PLCD3: variants seen among roughly 807,000 people sequenced by gnomAD.
The protein encoded by PLCD3 is 1-phosphatidylinositol 4,5-bisphosphate phosphodiesterase delta-3.
Under a neutral mutation model 82.8 loss-of-function variants are expected in PLCD3, and 62 were observed. The ratio of observed to expected loss-of-function variants is 0.75; its 90% confidence interval spans 0.61 to 0.93. The LOEUF (loss-of-function observed/expected upper bound fraction) is 0.93. Ranked by LOEUF, PLCD3 falls within the 40% of genes least tolerant of loss-of-function variation. The pLI is 0.00. For synonymous variants in PLCD3, 478 were observed against 471.8 expected, an observed-to-expected ratio of 1.01 and a Z score of -0.17; for missense variants, 1,023 against 1,103.4, an observed-to-expected ratio of 0.93 and a Z score of 1.03.
chr17:45,116,961 T>C (rs1333027310), intron 7 of PLCD3, among the ~76,000 whole-genome samples, 177 bp from the exon 8 acceptor site: 8 of 152,124 alleles, frequency 5.3e-5, no homozygotes, highest in Non-Finnish European at 1.0e-4. Flanking sequence ...TTTTTTTTCT[T>C]TGAGATGGAG....
rs1278926461 is a variant in PLCD3 at position 45,111,360 on chromosome 17, C to CTGTGTA, written c.*1250_*1255dup. On this transcript the variant is annotated 3_prime_UTR_variant, in exon 15 of 15. Coordinates refer to ENST00000619929, the MANE Select transcript of PLCD3 (RefSeq NM_133373.5). ...TGTCTCCTCCTCATTCAAGGCCCCT[C>CTGTGTA]TGTGTATGTGTGAGTGTGTGTGTGT... 7.0e-6 allele frequency: 1 copy of CTGTGTA among 142,426 alleles called. No individual in the cohort carries two copies. Among genetic ancestry groups the CTGTGTA allele is most frequent in the African/African-American group, 2.8e-5 (1 of 35,748 alleles). 8.8% of individuals were successfully genotyped at this position (142,426 alleles called of 1,614,324 possible).
Position 45,118,512 on chromosome 17 carries a change from G to A in PLCD3, c.914-20C>T, listed in dbSNP as rs1373058706. On this transcript the variant is annotated intron_variant, in intron 5 of 14. Coordinates refer to ENST00000619929, the MANE Select transcript of PLCD3 (RefSeq NM_133373.5). The surrounding 1 kb of genome is among the most constrained non-coding windows in gnomAD (Gnocchi z 4.1). ...GCTTGGCTGCAGGGGTGGCAGGAGA[G>A]GGCATCAGGCCACATAGGGATCCCC... 1 of 1,613,142 alleles carries A rather than the reference G, an allele frequency of 6.2e-7. No homozygotes were observed. Among genetic ancestry groups the A allele is most frequent in the East Asian group, 2.2e-5 (1 of 44,894 alleles).
In PLCD3 at chr17:45,119,023, G is replaced by A. The variant is rs774319289; in HGVS notation, c.705C>T (p.Asn235=). 15 of 1,609,910 alleles carry A rather than the reference G, an allele frequency of 9.3e-6. No homozygotes were observed. Among genetic ancestry groups the A allele is most frequent in the Admixed American group, 6.7e-5 (4 of 59,632 alleles). The part of the protein sequence containing the change: ...LLFKECDHSN[N]DRLEGAEIEE... Reference sequence around the variant, plus strand: ...CGATCTCAGCCCCCTCTAGACGGTCGTTGTTGGAGTGGTCACACTCCTGGG... The same window carrying A: ...CGATCTCAGCCCCCTCTAGACGGTCATTGTTGGAGTGGTCACACTCCTGGG... Residue 235 remains asparagine (N), a synonymous_variant, in exon 5 of 15, where the codon AAC becomes AAT. Transcript: ENST00000619929.
At chr17:45,131,016 ATACC>A (rs1305979178) in intron 1 of PLCD3, among the ~76,000 whole-genome samples, 2 of 152,058 alleles carry the variant, frequency 1.3e-5, no homozygotes, top group Admixed American at 6.5e-5. Context: ...AGGGTGGAGC[ATACC>A]ATAGGCACTC....
At chr17:45,124,690 GC>G (rs1353696490) in intron 1 of PLCD3, among the ~76,000 whole-genome samples, 1 of 152,232 alleles carries the variant, frequency 6.6e-6, no homozygotes, top group Non-Finnish European at 1.5e-5. Flanking sequence ...GTCCTGCCAG[GC>G]CCAAGCCCAC....
At chr17:45,117,971 G>A in intron 7 of PLCD3, 23 bp downstream of exon 7, 1 of 1,611,874 alleles carries the variant, frequency 6.2e-7, no homozygotes, top group Non-Finnish European at 8.5e-7. Flanking sequence ...GTGGGGCTGG[G>A]GCTGGGCATC....
Position 45,119,057 on chromosome 17 carries a change from G to A in PLCD3, c.685-14C>T. 1 of 1,587,534 alleles carries A rather than the reference G, an allele frequency of 6.3e-7. No individual in the cohort carries two copies. The highest frequency in any genetic ancestry group is 1.1e-5 in the South Asian group (1 of 88,452). The stretch of plus-strand genomic sequence containing the variant: ...GTGGTCACACTCCTGGGGAGCAGCA[G>A]GAGAAGCTCAGAGGAGGCAGACACT... On this transcript the variant is annotated splice_polypyrimidine_tract_variant and intron_variant, in intron 4 of 14. Coordinates refer to ENST00000619929, the MANE Select transcript of PLCD3 (RefSeq NM_133373.5).
At chr17:45,114,821 G>A (rs1229266766) in intron 10 of PLCD3, among the ~76,000 whole-genome samples, 1 of 151,854 alleles carries the variant, frequency 6.6e-6, no homozygotes, top group Non-Finnish European at 1.5e-5. Context: ...GCAGCTGCTG[G>A]GCTCCCCCAG....
At chr17:45,114,196 C>G in intron 11 of PLCD3, 54 bp downstream of exon 11, 1 of 1,354,890 alleles carries the variant, frequency 7.4e-7, no homozygotes, top group Non-Finnish European at 1.0e-6. Flanking sequence ...ACTGCTGAGG[C>G]CTCCCCCACA....
rs1449359682 is a variant in PLCD3, at chr17:45,123,639, C to A, written c.164-2267G>T. Among the ~76,000 whole-genome samples the A allele has an allele frequency of 3.3e-5, 5 of 152,298 alleles. No homozygotes were observed. The East Asian group carries it at 7.7e-4, about 24-fold the overall frequency. On this transcript the variant is annotated intron_variant, in intron 1 of 14. Transcript: ENST00000619929. ...AATTACCCAGGGGAGGCTGCAGACA[C>A]CACAGCCCAGGGCATCTCACCCAGC...
chr17:45,128,513 G>A (rs944493476), intron 1 of PLCD3, among the ~76,000 whole-genome samples: 1 of 152,240 alleles, frequency 6.6e-6, no homozygotes, highest in Non-Finnish European at 1.5e-5. Context: ...ACCCACAGCA[G>A]TCCCACTCAC....
At position 45,113,099 on chromosome 17, in the gene PLCD3, C is replaced by T. The variant is rs769360855; in HGVS notation, c.2131+23G>A. ...CGCTCTCTGCAGTCTCCCCCAACCCCACTTCCGCCAGTGGCTGCCCACCAT... is the reference window on the plus strand; with the variant it reads ...CGCTCTCTGCAGTCTCCCCCAACCCTACTTCCGCCAGTGGCTGCCCACCAT... On this transcript the variant is annotated intron_variant, in intron 13 of 14. Transcript: ENST00000619929. 1.3e-5 allele frequency: 21 copies of T among 1,613,110 alleles called. No homozygotes were observed. The South Asian group carries it at 1.9e-4, about 14-fold the overall frequency.
chr17:45,114,504 AGAGT>A lies in PLCD3; in HGVS notation c.1712-142_1712-139del, dbSNP rs2054274043. On this transcript the variant is annotated intron_variant, in intron 10 of 14. Coordinates refer to ENST00000619929, the MANE Select transcript of PLCD3 (RefSeq NM_133373.5). Reference sequence around the variant, plus strand: ...CCCGCTCCTCACTCTCTTCTGACCTAGAGTGAGAGGGGAGCTCACTGAGGAGGCT... The same window carrying A: ...CCCGCTCCTCACTCTCTTCTGACCTAGAGAGGGGAGCTCACTGAGGAGGCT... 16 of 624,022 alleles carry A rather than the reference AGAGT, an allele frequency of 2.6e-5. No homozygotes were observed. In the South Asian group the frequency reaches 3.5e-4, roughly 14 times the overall value. The allele number at this position is 624,022 out of a possible 1,614,324, so 38.7% of individuals were successfully genotyped here. A position where few individuals can be genotyped will look rare whatever the true frequency, so the allele number is the denominator to read the frequency against.
intron 1 of PLCD3, among the ~76,000 whole-genome samples, chr17:45,123,735 CA>C (rs1421326991): frequency 1.3e-5 from 2 of 152,170 alleles, no homozygotes; most frequent in East Asian, 1.9e-4. Flanking sequence ...ATCAGGGTCT[CA>C]GGGGCAAGAG....
At chr17:45,114,050 T>C (rs2054269952) in intron 11 of PLCD3, among the ~76,000 whole-genome samples, 200 bp downstream of exon 11, 1 of 152,110 alleles carries the variant, frequency 6.6e-6, no homozygotes, top group Admixed American at 6.5e-5. Flanking sequence ...ATTTCTACCA[T>C]GATAAAAATG....
intron 11 of PLCD3, 33 bp from the exon 12 acceptor site, chr17:45,113,638 T>C (rs2285427): frequency 0.13 from 204,034 of 1,548,990 alleles, 14,632 homozygotes; most frequent in East Asian, 0.27. Context: ...GCAGGGGCTC[T>C]TAGCGGCCCT....
In PLCD3 at chr17:45,110,627, C is replaced by T. The variant is rs909659892; in HGVS notation, c.*1989G>A. On this transcript the variant is annotated 3_prime_UTR_variant, in exon 15 of 15. Transcript: ENST00000619929. Reference sequence around the variant, plus strand: ...ACCCCCCAGCCAGCCCCTGGCCAGACCTGGCTCTGCAGGGGCTGGGCAATG... The same window carrying T: ...ACCCCCCAGCCAGCCCCTGGCCAGATCTGGCTCTGCAGGGGCTGGGCAATG... 2 of 152,180 alleles carry T rather than the reference C, an allele frequency of 1.3e-5. No individual in the cohort carries two copies. The highest frequency in any genetic ancestry group is 4.8e-5 in the African/African-American group (2 of 41,432). 9.4% of individuals were successfully genotyped at this position (152,180 alleles called of 1,614,324 possible).
chr17:45,122,518 C>T (rs1468829740), intron 1 of PLCD3, among the ~76,000 whole-genome samples: 1 of 152,108 alleles, frequency 6.6e-6, no homozygotes, highest in African/African-American at 2.4e-5. Context: ...CTGCACTGCA[C>T]GGCTCTTCTA....
chr17:45,110,334 C>T lies in PLCD3; in HGVS notation c.*2282G>A, dbSNP rs890145283. The T allele has an allele frequency of 2.6e-5, 4 of 152,206 alleles. No individual in the cohort carries two copies. Among genetic ancestry groups the T allele is most frequent in the Admixed American group, 1.3e-4 (2 of 15,288 alleles). The allele number at this position is 152,206 out of a possible 1,614,324, so 9.4% of individuals were successfully genotyped here. A position where few individuals can be genotyped will look rare whatever the true frequency, so the allele number is the denominator to read the frequency against. The stretch of plus-strand genomic sequence containing the variant: ...TGGCGGGCGCCTGTAATCCCAGCTA[C>T]TCCGGAGGCTGAGGCAAGAGAATCG... On this transcript the variant is annotated 3_prime_UTR_variant, in exon 15 of 15. Transcript: ENST00000619929.
Sources: allele counts gnomAD v4.1 joint callset (sites outside exome capture counted in the v4.1 genomes callset), GRCh38; gene constraint gnomAD v4.1.1; non-coding constraint Gnocchi (gnomAD v3.1); transcripts MANE v1.5; gene names NCBI Gene and HGNC (gene_info 2026-07-23, HGNC 2026-07-21).